The following TPD52 variants were observed in gnomAD, a reference collection of about 807,000 sequenced individuals.
The protein encoded by TPD52 is prostate and colon associated protein.
In TPD52, 17 loss-of-function variants were observed where a neutral mutation model predicts 31.3. The observed-to-expected ratio is 0.54, with a 90% CI of 0.37 to 0.82. The LOEUF (loss-of-function observed/expected upper bound fraction) is 0.82, where lower values mean the gene tolerates loss of function less well. TPD52 is among the 40% of genes least tolerant of loss of function. TPD52 has a pLI of 0.00. For synonymous variants in TPD52, 83 were observed against 89.6 expected (o/e 0.93, Z 0.42); for missense variants, 212 against 240.1 (o/e 0.88, Z 0.77).
At chr8:80,117,557 C>T (rs1807948015) in intron 1 of TPD52, among the ~76,000 whole-genome samples, 1 of 152,002 alleles carries the variant, frequency 6.6e-6, no homozygotes, top group Non-Finnish European at 1.5e-5. Flanking sequence ...GATGACAATA[C>T]CTCTCAATCA....
At chr8:80,145,362 C>A (rs1810118135) in intron 1 of TPD52, among the ~76,000 whole-genome samples, 1 of 152,144 alleles carries the variant, frequency 6.6e-6, no homozygotes, top group Admixed American at 6.5e-5. Flanking sequence ...GATCTTTGAG[C>A]GGGCATGGCA....
chr8:80,146,999 G>C (rs1810242276), intron 1 of TPD52, among the ~76,000 whole-genome samples: 1 of 152,152 alleles, frequency 6.6e-6, no homozygotes, highest in Non-Finnish European at 1.5e-5. Flanking sequence ...TACTGAACCA[G>C]AACTCTGTGG....
intron 1 of TPD52, among the ~76,000 whole-genome samples, chr8:80,072,798 C>CATATATATATATATATATAT (rs779389191): frequency 5.0e-5 from 7 of 141,080 alleles, no homozygotes; most frequent in African/African-American, 1.8e-4. Context: ...CACACACACA[C>CATATATATATATATATATAT]ATATATATAT....
chr8:80,057,616 T>C (rs1210609669), intron 2 of TPD52, among the ~76,000 whole-genome samples: 2 of 152,016 alleles, frequency 1.3e-5, no homozygotes, highest in East Asian at 1.9e-4. Flanking sequence ...GAGCTAAACA[T>C]TGGGTATACA....
At chr8:80,089,273 G>A (rs1214296478) in intron 1 of TPD52, among the ~76,000 whole-genome samples, 3 of 152,194 alleles carry the variant, frequency 2.0e-5, no homozygotes, top group Admixed American at 6.5e-5. Flanking sequence ...GGACTTGGGT[G>A]ACGGGCAATG....
intron 1 of TPD52, among the ~76,000 whole-genome samples, chr8:80,071,069 C>G (rs999401395): frequency 4.6e-5 from 7 of 152,140 alleles, no homozygotes. Flanking sequence ...ACAAGGAACA[C>G]CAAGGTCTGC....
intron 1 of TPD52, among the ~76,000 whole-genome samples, chr8:80,083,319 T>C (rs1365539911): frequency 6.6e-6 from 1 of 152,132 alleles, no homozygotes; most frequent in Non-Finnish European, 1.5e-5. Context: ...AGAAAGAGGC[T>C]ATGGGTACAA....
At chr8:80,159,496 C>T (rs1292397477) in intron 1 of TPD52, among the ~76,000 whole-genome samples, 1 of 152,148 alleles carries the variant, frequency 6.6e-6, no homozygotes, top group Non-Finnish European at 1.5e-5. Flanking sequence ...GGTAAGGACA[C>T]GTACTCTCTA....
At chr8:80,059,744 T>C (rs964726138) in intron 2 of TPD52, among the ~76,000 whole-genome samples, 1 of 106,150 alleles carries the variant, frequency 9.4e-6, no homozygotes, top group Non-Finnish European at 2.2e-5. Flanking sequence ...ATCCCAGCTA[T>C]TCAGGAGGCT....
At chr8:80,034,305 G>C (rs1346597381), downstream of TPD52, among the ~76,000 whole-genome samples, 1 of 151,976 alleles carries the variant, frequency 6.6e-6, no homozygotes, top group East Asian at 1.9e-4. Context: ...AGCTGCAGCT[G>C]GGTGGCTGCA....
intron 1 of TPD52, among the ~76,000 whole-genome samples, chr8:80,162,533 G>A (rs1305105643): frequency 1.3e-5 from 2 of 151,554 alleles, no homozygotes; most frequent in African/African-American, 4.9e-5. Context: ...TGAGGCAGAA[G>A]GACTCCTTGA....
At position 80,171,539 on chromosome 8, in the gene TPD52, C is replaced by T. The variant is rs1021748920; in HGVS notation, c.-96G>A. ...CCGCGCCGCGCAGAGCTCCTCCTCG[C>T]CTCCGCCGGCGACTCCCGCGAAGTC... On this transcript the variant is annotated 5_prime_UTR_variant, in exon 1 of 8. Transcript: ENST00000518937. The T allele has an allele frequency of 1.2e-5, 17 of 1,395,316 alleles. No individual in the cohort carries two copies. Among genetic ancestry groups the T allele is most frequent in the Non-Finnish European group, 1.5e-5 (16 of 1,080,656 alleles). 86.4% of individuals were successfully genotyped at this position (1,395,316 alleles called of 1,614,324 possible). A position where few individuals can be genotyped will look rare whatever the true frequency, so the allele number is the denominator to read the frequency against.
At chr8:80,057,470 T>C (rs537384655) in intron 2 of TPD52, among the ~76,000 whole-genome samples, 2 of 152,328 alleles carry the variant, frequency 1.3e-5, no homozygotes, top group East Asian at 1.9e-4. Flanking sequence ...ATATACATCA[T>C]GGAATACTAT....
intron 1 of TPD52, among the ~76,000 whole-genome samples, chr8:80,088,789 G>A (rs985505589): frequency 6.6e-6 from 1 of 152,186 alleles, no homozygotes; most frequent in Non-Finnish European, 1.5e-5. Context: ...TGCTGTCCTA[G>A]TAAGAAGAGA....
At chr8:80,075,855 G>A (rs1014073103) in intron 1 of TPD52, among the ~76,000 whole-genome samples, 2 of 152,132 alleles carry the variant, frequency 1.3e-5, no homozygotes, top group African/African-American at 4.8e-5. Context: ...TGCTATTTAA[G>A]ACTGATGCAA....
intron 1 of TPD52, among the ~76,000 whole-genome samples, chr8:80,069,891 T>G (rs1813580994): frequency 6.6e-6 from 1 of 152,112 alleles, no homozygotes; most frequent in Admixed American, 6.6e-5. Flanking sequence ...CAAGAACCGG[T>G]AAGAGCTTAG....
chr8:80,138,076 T>C (rs1021846314), intron 1 of TPD52, among the ~76,000 whole-genome samples: 5 of 152,154 alleles, frequency 3.3e-5, no homozygotes, highest in African/African-American at 1.2e-4. Context: ...CCCAAGTTGC[T>C]GGGATTACAG....
chr8:80,140,045 C>T (rs111563853), intron 1 of TPD52, among the ~76,000 whole-genome samples: 9 of 152,332 alleles, frequency 5.9e-5, no homozygotes, highest in African/African-American at 2.2e-4. Context: ...AATAAAGCAG[C>T]CTTTGTTTTA....
At chr8:80,133,254 C>A (rs1549461) in intron 1 of TPD52, among the ~76,000 whole-genome samples, 16 of 151,890 alleles carry the variant, frequency 1.1e-4, no homozygotes, top group African/African-American at 2.7e-4. Flanking sequence ...ATTATCGGCC[C>A]CTCTTCCTGG....
Sources: gnomAD v4.1 joint callset for allele counts (sites outside exome capture counted in the v4.1 genomes callset) on GRCh38, gnomAD v4.1.1 for gene constraint, MANE v1.5 for transcripts, NCBI Gene and HGNC (gene_info 2026-07-23, HGNC 2026-07-21) for gene names.